SLC36A1: variants seen among roughly 807,000 people sequenced by gnomAD.
SLC36A1 encodes the protein solute carrier family 36 member 1, also known as proton-coupled amino acid transporter 1.
A neutral mutation model predicts 47.5 loss-of-function variants in SLC36A1; 30 were observed. That is an observed-to-expected ratio of 0.63 (90% CI 0.47 to 0.86). The LOEUF is 0.86. Among genes scored for constraint, SLC36A1 ranks in the 40% least tolerant of loss-of-function variants. The probability of loss-of-function intolerance (pLI) is 0.00; values close to 1 mark genes in which losing one functional copy is unlikely to be tolerated. For missense variants in SLC36A1, 517 were observed against 606.0 expected (o/e 0.85, Z 1.54); for synonymous variants, 255 against 249.7 (o/e 1.02, Z -0.20).
the SLC36A1 span, chr5:151,510,888 C>T: frequency 6.6e-6 from 1 of 152,340 alleles, no homozygotes; most frequent in African/African-American, 2.4e-5. Flanking sequence ...ACTCAAACCA[C>T]ACCAGGGTGG....
chr5:151,525,294 C>A, the SLC36A1 span, among the ~76,000 whole-genome samples: 1 of 152,196 alleles, frequency 6.6e-6, no homozygotes, highest in African/African-American at 2.4e-5. Flanking sequence ...ATAACACCAC[C>A]ACCAGAATCC....
upstream of SLC36A1, among the ~76,000 whole-genome samples, chr5:151,433,267 T>TATATG (rs1421061752): frequency 1.3e-4 from 1 of 7,650 alleles, no homozygotes. Flanking sequence ...TATATATATA[T>TATATG]TTTTTTTTTT....
chr5:151,367,374 T>TTTTTTTTTTTC, the SLC36A1 span, among the ~76,000 whole-genome samples: 58 of 145,530 alleles, frequency 4.0e-4, no homozygotes, highest in African/African-American at 1.5e-3. Context: ...TTTTTTTTTT[T>TTTTTTTTTTTC]CCCCAGGGTA....
intron 7 of SLC36A1, among the ~76,000 whole-genome samples, chr5:151,468,266 A>AAATATAT (rs55642458): frequency 3.0e-4 from 19 of 63,818 alleles, no homozygotes; most frequent in African/African-American, 1.7e-3. Context: ...AAAAAAAAAA[A>AAATATAT]ATATATATAT....
the SLC36A1 span, chr5:151,545,937 G>T: frequency 1.2e-6 from 2 of 1,613,988 alleles, no homozygotes. Context: ...TGCTGCCTCG[G>T]ATTTTCAGCT....
the SLC36A1 span, among the ~76,000 whole-genome samples, chr5:151,523,934 C>T: frequency 6.6e-6 from 1 of 152,182 alleles, no homozygotes; most frequent in Non-Finnish European, 1.5e-5. Flanking sequence ...TTAGAAATCA[C>T]CCCTGAATCG....
chr5:151,480,984 A>G (rs975352882), intron 10 of SLC36A1, among the ~76,000 whole-genome samples: 11 of 152,196 alleles, frequency 7.2e-5, no homozygotes, highest in African/African-American at 2.7e-4. Context: ...GGGCAGTGAC[A>G]GGAGCCTGAC....
intron 10 of SLC36A1, among the ~76,000 whole-genome samples, chr5:151,486,985 T>C (rs145210626): frequency 4.7e-4 from 72 of 152,344 alleles, no homozygotes; most frequent in Non-Finnish European, 8.4e-4. Flanking sequence ...GACATCTCTA[T>C]GATTCAGGAG....
chr5:151,441,690 A>G (rs1349398963), intron 1 of SLC36A1, among the ~76,000 whole-genome samples: 1 of 152,204 alleles, frequency 6.6e-6, no homozygotes, highest in Non-Finnish European at 1.5e-5. Flanking sequence ...GGGATTTTCA[A>G]TTTATATATT....
At chr5:151,441,111 C>T (rs944411140) in intron 1 of SLC36A1, among the ~76,000 whole-genome samples, 1 of 152,168 alleles carries the variant, frequency 6.6e-6, no homozygotes, top group Non-Finnish European at 1.5e-5. Context: ...AGGGACCACA[C>T]TTTGAGAAGC....
intron 10 of SLC36A1, 40 bp downstream of exon 10, chr5:151,479,529 A>G (rs752758022): frequency 6.3e-7 from 1 of 1,596,876 alleles, no homozygotes; most frequent in African/African-American, 1.3e-5. Context: ...GTTTTTCCCT[A>G]AAGGGCACCC....
chr5:151,517,664 CCTGTGG>C, the SLC36A1 span: 3 of 1,614,166 alleles, frequency 1.9e-6, no homozygotes, highest in South Asian at 3.3e-5. Context: ...AGAAGAATGG[CCTGTGG>C]CTGGAGTGTT....
the SLC36A1 span, among the ~76,000 whole-genome samples, chr5:151,428,293 G>A: frequency 6.6e-6 from 1 of 152,192 alleles, no homozygotes; most frequent in Non-Finnish European, 1.5e-5. Context: ...CCATGGTGTT[G>A]TCTCACTTGC....
the SLC36A1 span, among the ~76,000 whole-genome samples, chr5:151,366,173 A>G: frequency 6.6e-6 from 1 of 152,192 alleles, no homozygotes; most frequent in South Asian, 2.1e-4. Context: ...GAGGCTCCCA[A>G]GGGGAAGTGG....
At chr5:151,415,169 C>CA in the SLC36A1 span, among the ~76,000 whole-genome samples, 2 of 152,120 alleles carry the variant, frequency 1.3e-5, no homozygotes, top group Non-Finnish European at 2.9e-5. Flanking sequence ...TTCCCCCATG[C>CA]AAAAAATCAA....
the SLC36A1 span, among the ~76,000 whole-genome samples, chr5:151,546,860 G>A: frequency 6.6e-6 from 1 of 152,068 alleles, no homozygotes; most frequent in Admixed American, 6.6e-5. Context: ...TTACAGGTGT[G>A]AGCCACCGTG....
chr5:151,503,247 A>G, the SLC36A1 span, among the ~76,000 whole-genome samples: 1 of 148,000 alleles, frequency 6.8e-6, no homozygotes, highest in Non-Finnish European at 1.5e-5. Flanking sequence ...TGACCCATCA[A>G]TGGAGAGTTG....
At chr5:151,507,512 T>G in the SLC36A1 span, 11 of 1,614,010 alleles carry the variant, frequency 6.8e-6, no homozygotes, top group African/African-American at 1.5e-4. Context: ...CCACGGCCAC[T>G]GTGATGATCA....
rs1392617455 is a variant in SLC36A1, at chr5:151,491,606, A to T, written c.*3352A>T. On this transcript the variant is annotated 3_prime_UTR_variant, in exon 11 of 11. Transcript: ENST00000243389. Reference sequence around the variant, plus strand: ...ATTTTTTGGAAGTGCAAAAATCTCAATTTGTGTCTGTTTACAGCTCTCTCT... The same window carrying T: ...ATTTTTTGGAAGTGCAAAAATCTCATTTTGTGTCTGTTTACAGCTCTCTCT... The T allele has an allele frequency of 1.3e-5, 2 of 152,574 alleles. No homozygotes were observed. The highest frequency in any genetic ancestry group is 2.9e-5 in the Non-Finnish European group (2 of 68,030). 9.5% of individuals were successfully genotyped at this position (152,574 alleles called of 1,614,324 possible). A position where few individuals can be genotyped will look rare whatever the true frequency, so the allele number is the denominator to read the frequency against.
Sources: gnomAD v4.1 joint callset for allele counts (sites outside exome capture counted in the v4.1 genomes callset) on GRCh38, gnomAD v4.1.1 for gene constraint, MANE v1.5 for transcripts, NCBI Gene and HGNC (gene_info 2026-07-23, HGNC 2026-07-21) for gene names.